CDCA2: variants seen among roughly 807,000 people sequenced by gnomAD.
The protein encoded by CDCA2 is cell division cycle associated 2.
In CDCA2, 44 loss-of-function variants were observed where a neutral mutation model predicts 67.0. That is an observed-to-expected ratio of 0.66 (90% confidence interval 0.52 to 0.84). The LOEUF (loss-of-function observed/expected upper bound fraction) is 0.84, where lower values mean the gene tolerates loss of function less well. CDCA2 is among the 40% of genes least tolerant of loss of function. The pLI is 0.00. For missense variants in CDCA2, 1,253 were observed against 1,203.2 expected (o/e 1.04, Z -0.61); for synonymous variants, 447 against 418.7 (o/e 1.07, Z -0.82).
chr8:25,494,603 G>C (rs1253662375), intron 13 of CDCA2, among the ~76,000 whole-genome samples: 1 of 152,088 alleles, frequency 6.6e-6, no homozygotes, highest in South Asian at 2.1e-4. Context: ...CAGATACTGA[G>C]GGATGACTGT....
intron 7 of CDCA2, 116 bp from the exon 8 acceptor site, chr8:25,479,796 AT>A: frequency 1.1e-6 from 1 of 900,930 alleles, no homozygotes; most frequent in South Asian, 1.6e-5. Flanking sequence ...ATCAGGTTAT[AT>A]TAGGTTTGAA....
At chr8:25,463,521 AG>A (rs1011529487) in intron 4 of CDCA2, among the ~76,000 whole-genome samples, 4 of 152,186 alleles carry the variant, frequency 2.6e-5, no homozygotes, top group African/African-American at 9.7e-5. Flanking sequence ...AATACTTGAT[AG>A]TCATAATGAA....
chr8:25,501,788 A>G (rs1804487045), intron 13 of CDCA2, among the ~76,000 whole-genome samples: 1 of 152,148 alleles, frequency 6.6e-6, no homozygotes, highest in Admixed American at 6.5e-5. Context: ...TGAAGAATAC[A>G]TCCTCTTTGC....
chr8:25,466,299 GA>G lies in CDCA2; in HGVS notation c.516del (p.Glu173SerfsTer4). ...GGCTGTCTGGAATTCTCAGAGGCAGGAAAAGAGTCCGAGATGACAGACTTGA... is the reference window on the plus strand; with the variant it reads ...GGCTGTCTGGAATTCTCAGAGGCAGGAAAGAGTCCGAGATGACAGACTTGA... ...MTGCLEFSEA[G>X]KESEMTDLTR... On this transcript the variant is annotated frameshift_variant, in exon 5 of 15. Transcript: ENST00000330560. LOFTEE classifies it high-confidence loss of function. 2 of 1,606,440 alleles carry G rather than the reference GA, an allele frequency of 1.2e-6. No individual in the cohort carries two copies. The highest frequency in any genetic ancestry group is 3.5e-5 in the Admixed American group (2 of 57,282).
rs1269294644 is a variant in CDCA2, at chr8:25,488,519, T to C, written c.1534-33T>C. The C allele has an allele frequency of 2.6e-6, 4 of 1,563,518 alleles. No individual in the cohort carries two copies. The African/African-American group carries it at 5.5e-5, about 22-fold the overall frequency. On this transcript the variant is annotated intron_variant, in intron 12 of 14. Coordinates refer to ENST00000330560, the MANE Select transcript of CDCA2 (RefSeq NM_152562.4). ...CACATTAACATGTAATTGCTTGTGC[T>C]TTACGGTATCCTACTTTACACTTTC...
chr8:25,488,720 G>A (rs752966580), intron 13 of CDCA2, 31 bp downstream of exon 13: 1 of 1,526,310 alleles, frequency 6.6e-7, no homozygotes, highest in African/African-American at 1.4e-5. Context: ...ATAATAAAGA[G>A]TAGAAGTGGT....
Position 25,462,213 on chromosome 8 carries a change from G to A in CDCA2, c.387+5G>A, listed in dbSNP as rs748925461. On this transcript the variant is annotated splice_donor_5th_base_variant and intron_variant, in intron 4 of 14. Transcript: ENST00000330560. Reference sequence around the variant, plus strand: ...GCACAAGATTCTCCTTCCCAGGTATGATTTTCTTCTAAGTTCTGTCGTGAA... The same window carrying A: ...GCACAAGATTCTCCTTCCCAGGTATAATTTTCTTCTAAGTTCTGTCGTGAA... 1.2e-6 allele frequency: 2 copies of A among 1,613,500 alleles called. No homozygotes were observed. The highest frequency in any genetic ancestry group is 4.5e-5 in the East Asian group (2 of 44,894).
intron 13 of CDCA2, among the ~76,000 whole-genome samples, chr8:25,491,256 TAAAAG>T (rs1462638078): frequency 1.3e-5 from 2 of 152,068 alleles, no homozygotes; most frequent in East Asian, 1.9e-4. Flanking sequence ...GTCATCCAAA[TAAAAG>T]AAGAGGATTT....
At chr8:25,462,335 T>C (rs1396917776) in intron 4 of CDCA2, 127 bp downstream of exon 4, 5 of 1,114,840 alleles carry the variant, frequency 4.5e-6, no homozygotes, top group African/African-American at 1.6e-5. Flanking sequence ...TTAGAGAACA[T>C]GCAGTTAGCG....
chr8:25,488,511 G>A, intron 12 of CDCA2, 41 bp from the exon 13 acceptor site: 1 of 1,530,160 alleles, frequency 6.5e-7, no homozygotes. Flanking sequence ...ACATGTAATT[G>A]CTTGTGCTTT....
chr8:25,492,987 T>G (rs1296575386), intron 13 of CDCA2, among the ~76,000 whole-genome samples: 7 of 151,784 alleles, frequency 4.6e-5, no homozygotes, highest in Non-Finnish European at 1.0e-4. Context: ...TTTGTTTGTG[T>G]GTTTGTTTGT....
chr8:25,471,131 C>T (rs1803135680), intron 7 of CDCA2, among the ~76,000 whole-genome samples: 1 of 29,028 alleles, frequency 3.4e-5, no homozygotes, highest in Non-Finnish European at 7.4e-5. Flanking sequence ...CCAGATGTAC[C>T]ATTTCTTATG....
chr8:25,497,681 A>G (rs1384201103), intron 13 of CDCA2, among the ~76,000 whole-genome samples: 1 of 152,114 alleles, frequency 6.6e-6, no homozygotes, highest in African/African-American at 2.4e-5. Flanking sequence ...AATAATGTAT[A>G]TGGGAAAATT....
At chr8:25,501,906 G>GTT (rs1804492203) in intron 13 of CDCA2, among the ~76,000 whole-genome samples, 1 of 151,964 alleles carries the variant, frequency 6.6e-6, no homozygotes, top group South Asian at 2.1e-4. Context: ...GTTTTGTTTT[G>GTT]TTTTGTTTTT....
intron 13 of CDCA2, among the ~76,000 whole-genome samples, chr8:25,492,131 G>A (rs888935596): frequency 7.3e-6 from 1 of 136,220 alleles, no homozygotes; most frequent in Non-Finnish European, 1.6e-5. Flanking sequence ...AGCAGCGGGG[G>A]GTTGGGGGGT....
rs576889219 is a variant in CDCA2 at position 25,507,841 on chromosome 8, T to C, written c.*103T>C. 2.4e-6 allele frequency: 3 copies of C among 1,260,246 alleles called. No homozygotes were observed. The highest frequency in any genetic ancestry group is 2.5e-5 in the East Asian group (1 of 40,032). 78.1% of individuals were successfully genotyped at this position (1,260,246 alleles called of 1,614,324 possible). A position where few individuals can be genotyped will look rare whatever the true frequency, so the allele number is the denominator to read the frequency against. On this transcript the variant is annotated 3_prime_UTR_variant, in exon 15 of 15. Transcript: ENST00000330560. Reference sequence around the variant, plus strand: ...CTGTTCAACCTCAGTGTTTCAAAAGTTCCTAATAAATAAACTCATTTGAGT... The same window carrying C: ...CTGTTCAACCTCAGTGTTTCAAAAGCTCCTAATAAATAAACTCATTTGAGT...
intron 10 of CDCA2, among the ~76,000 whole-genome samples, chr8:25,484,425 C>T (rs778285088): frequency 1.3e-5 from 2 of 151,960 alleles, no homozygotes; most frequent in African/African-American, 4.8e-5. Flanking sequence ...CAGATTTATG[C>T]CAATGAATTT....
intron 5 of CDCA2, 139 bp downstream of exon 5, chr8:25,466,464 G>A (rs2117482921): frequency 1.3e-6 from 1 of 769,592 alleles, no homozygotes; most frequent in Non-Finnish European, 1.9e-6. Flanking sequence ...TAAAAATTTG[G>A]GACATTTCAC....
chr8:25,487,153 A>G, intron 11 of CDCA2, 93 bp from the exon 12 acceptor site: 2 of 763,630 alleles, frequency 2.6e-6, no homozygotes, highest in South Asian at 1.5e-5. Flanking sequence ...ATGGTATTAA[A>G]GGTGGATATC....
Sources: allele counts gnomAD v4.1 joint callset (sites outside exome capture counted in the v4.1 genomes callset), GRCh38; gene constraint gnomAD v4.1.1; transcripts MANE v1.5; gene names NCBI Gene and HGNC (gene_info 2026-07-23, HGNC 2026-07-21).